MYH9: variants seen among roughly 807,000 people sequenced by gnomAD.
MYH9 encodes myosin heavy chain 9.
In MYH9, 29 loss-of-function variants were observed where a neutral mutation model predicts 241.9. That is an observed-to-expected ratio of 0.12 (90% CI 0.09 to 0.16). MYH9 has a LOEUF of 0.16. Among genes scored for constraint, MYH9 ranks in the 10% least tolerant of loss-of-function variants. The pLI, the probability that MYH9 is intolerant of heterozygous loss-of-function variation, is 1.00. For missense variants in MYH9, 1,803 were observed against 2,595.5 expected (o/e 0.69, Z 6.63); for synonymous variants, 1,047 against 1,062.6 (o/e 0.99, Z 0.29).
intron 31 of MYH9, among the ~76,000 whole-genome samples, chr22:36,291,353 G>C (rs2146334508): frequency 6.6e-6 from 1 of 152,304 alleles, no homozygotes; most frequent in Non-Finnish European, 1.5e-5. Flanking sequence ...CTTCTGCCTT[G>C]GGATCTTGTT....
rs1359996610 is a variant in MYH9, at chr22:36,348,959, T to C, written c.278A>G (p.Asn93Ser). The change falls in exon 2 of 41, where the codon AAC (asparagine) becomes AGC (serine). Residue 93 changes from asparagine to serine, a missense_variant. This residue lies in a region of MYH9 where 72 missense variants were observed against 134.3 expected (regional missense o/e 0.54). Transcript: ENST00000216181. ...VEDMAELTCL[N>S]EASVLHNLKE... ...GAGGTTGTGCAGCACCGAGGCTTCG[T>C]TGAGGCACGTGAGCTCTGCCATGTC... The C allele has an allele frequency of 3.7e-6, 6 of 1,614,166 alleles. No individual in the cohort carries two copies. Among genetic ancestry groups the C allele is most frequent in the Admixed American group, 3.3e-5 (2 of 60,030 alleles).
rs1043509125 is a variant in MYH9, at chr22:36,281,802, T to C, written c.*866A>G. 11 of 231,438 alleles carry C rather than the reference T, an allele frequency of 4.8e-5. No individual in the cohort carries two copies. Among genetic ancestry groups the C allele is most frequent in the African/African-American group, 2.2e-4 (10 of 45,334 alleles). The allele number at this position is 231,438 out of a possible 1,614,324, so 14.3% of individuals were successfully genotyped here. On this transcript the variant is annotated 3_prime_UTR_variant, in exon 41 of 41. Coordinates refer to ENST00000216181, the MANE Select transcript of MYH9 (RefSeq NM_002473.6). ...GTCCTAGAGTAGACACAAGATCGCC[T>C]GGGAGGGCCGCTGGCCCCTCTAACG...
At chr22:36,314,620 T>C (rs1001447385) in intron 12 of MYH9, among the ~76,000 whole-genome samples, 25 of 152,170 alleles carry the variant, frequency 1.6e-4, no homozygotes, top group African/African-American at 5.6e-4. Flanking sequence ...CATCAAAATA[T>C]TGTGATCGAG....
chr22:36,287,176 C>A (rs1393305793), intron 34 of MYH9, among the ~76,000 whole-genome samples: 1 of 152,212 alleles, frequency 6.6e-6, no homozygotes, highest in Non-Finnish European at 1.5e-5. Context: ...CAGTGCCCAG[C>A]CTGCCGGTCC....
At chr22:36,333,515 A>T (rs1306314809) in intron 3 of MYH9, among the ~76,000 whole-genome samples, 2 of 152,176 alleles carry the variant, frequency 1.3e-5, no homozygotes, top group African/African-American at 4.8e-5. Flanking sequence ...GCCAAAAGAA[A>T]ACCTGGGGTC....
chr22:36,337,997 C>CT (rs80110900), intron 3 of MYH9, among the ~76,000 whole-genome samples: 211 of 142,760 alleles, frequency 1.5e-3, no homozygotes, highest in Middle Eastern at 3.7e-3. Flanking sequence ...ACTTTCTTTT[C>CT]TTTTTTTTTT....
At chr22:36,301,511 A>G (rs1462137114) in intron 21 of MYH9, 23 bp downstream of exon 21, 2 of 1,612,126 alleles carry the variant, frequency 1.2e-6, no homozygotes, top group South Asian at 1.1e-5. Context: ...TGCGACCTGG[A>G]CTGAGCCTGC....
chr22:36,300,331 G>A lies in MYH9; in HGVS notation c.2839-67C>T. On this transcript the variant is annotated intron_variant, in intron 22 of 40. Transcript: ENST00000216181. This position sits in a 1 kb window ranked among gnomAD's most constrained non-coding sequence, Gnocchi z 5.0. Reference sequence around the variant, plus strand: ...GGCATGGCCAAGGTGAAGGCAGCAAGGTCCGAAGGCCAGATCCAAACGCCA... The same window carrying A: ...GGCATGGCCAAGGTGAAGGCAGCAAAGTCCGAAGGCCAGATCCAAACGCCA... 6.2e-7 allele frequency: 1 copy of A among 1,600,774 alleles called. No individual in the cohort carries two copies. The highest frequency in any genetic ancestry group is 8.5e-7 in the Non-Finnish European group (1 of 1,176,788).
In MYH9 at chr22:36,374,672, C is replaced by G. The variant is rs182878363; in HGVS notation, c.-20+13135G>C. ...CAGGCCGCGTTCCCAGCATCCACCC[C>G]CAAGGTGAGTGACCTGGGAGTGGAA... is the stretch of plus-strand genomic sequence containing the variant. On this transcript the variant is annotated intron_variant, in intron 1 of 40. Coordinates refer to ENST00000216181, the MANE Select transcript of MYH9 (RefSeq NM_002473.6). Among the ~76,000 whole-genome samples, 844 of 152,354 alleles carry G rather than the reference C, an allele frequency of 5.5e-3. 8 individuals are homozygous for G. The highest frequency in any genetic ancestry group is 4.7e-3 in the Non-Finnish European group (322 of 68,032).
intron 14 of MYH9, among the ~76,000 whole-genome samples, chr22:36,310,064 A>G (rs957209602): frequency 3.3e-5 from 5 of 152,218 alleles, no homozygotes; most frequent in East Asian, 1.9e-4. Context: ...AGCCTGGCCA[A>G]CATGGCAAAA....
chr22:36,325,005 C>A lies in MYH9; in HGVS notation c.612+1563G>T, dbSNP rs141769596. 9.8e-4 allele frequency: 708 copies of A among 725,712 alleles called. 6 individuals carry two copies. The highest frequency in any genetic ancestry group is 9.7e-3 in the African/African-American group (560 of 57,724). The allele number at this position is 725,712 out of a possible 1,614,324, so 45.0% of individuals were successfully genotyped here. A position where few individuals can be genotyped will look rare whatever the true frequency, so the allele number is the denominator to read the frequency against. On this transcript the variant is annotated intron_variant, in intron 5 of 40. Transcript: ENST00000216181. ...ACTCCAATGTCACCCTCCCAAGAACCAGTCACATACTAGGCAGTCAATAAA... is the reference window on the plus strand; with the variant it reads ...ACTCCAATGTCACCCTCCCAAGAACAAGTCACATACTAGGCAGTCAATAAA...
Position 36,288,713 on chromosome 22 carries a change from G to C in MYH9, c.4770+14C>G, listed in dbSNP as rs760951512. 6 of 1,600,950 alleles carry C rather than the reference G, an allele frequency of 3.7e-6. No individual in the cohort carries two copies. Among genetic ancestry groups the C allele is most frequent in the Non-Finnish European group, 5.1e-6 (6 of 1,179,920 alleles). ...GCCTTGGGCACCCATGGGGTAGCAG[G>C]AGGCCATGCACACCTGTCTGACCAG... On this transcript the variant is annotated intron_variant, in intron 33 of 40. Transcript: ENST00000216181. This position sits in a 1 kb window ranked among gnomAD's most constrained non-coding sequence, Gnocchi z 4.8.
chr22:36,337,583 G>T (rs577976781), intron 3 of MYH9, among the ~76,000 whole-genome samples: 1 of 152,312 alleles, frequency 6.6e-6, no homozygotes, highest in South Asian at 2.1e-4. Context: ...TGCCCCGTTT[G>T]GCAGAATAAA....
At chr22:36,382,964 T>C (rs1026800214) in intron 1 of MYH9, among the ~76,000 whole-genome samples, 2 of 152,126 alleles carry the variant, frequency 1.3e-5, no homozygotes, top group Non-Finnish European at 2.9e-5. Context: ...TTCACACCTG[T>C]AACCCCAGCA....
intron 1 of MYH9, chr22:36,364,703 C>T (rs929986811): frequency 6.6e-6 from 1 of 152,194 alleles, no homozygotes; most frequent in African/African-American, 2.4e-5. Context: ...CTGCATTGAT[C>T]AAGCGGTCAT....
In MYH9 at chr22:36,320,951, T is replaced by A; in HGVS notation, c.770-55A>T. On this transcript the variant is annotated intron_variant, in intron 7 of 40. Coordinates refer to ENST00000216181, the MANE Select transcript of MYH9 (RefSeq NM_002473.6). The surrounding 1 kb of genome is among the most constrained non-coding windows in gnomAD (Gnocchi z 4.8). ...TGGGGAGAAGGCAAGCCCTCCACTT[T>A]CCTCATTTTTTTTTTTTTGGAGACA... is the stretch of plus-strand genomic sequence containing the variant. The A allele has an allele frequency of 6.7e-7, 1 of 1,490,810 alleles. No individual in the cohort carries two copies. The highest frequency in any genetic ancestry group is 2.3e-5 in the East Asian group (1 of 43,738). The allele number at this position is 1,490,810 out of a possible 1,614,324, so 92.3% of individuals were successfully genotyped here.
intron 1 of MYH9, among the ~76,000 whole-genome samples, chr22:36,387,385 T>G (rs1416471512): frequency 6.6e-6 from 1 of 152,128 alleles, no homozygotes; most frequent in Non-Finnish European, 1.5e-5. Flanking sequence ...TCCCAACCCG[T>G]GAGGCTGCGT....
chr22:36,320,616 G>A lies in MYH9; in HGVS notation c.868+182C>T, dbSNP rs1603483441. Among the ~76,000 whole-genome samples the A allele has an allele frequency of 6.6e-6, 1 of 152,178 alleles. No homozygotes were observed. The highest frequency in any genetic ancestry group is 2.4e-5 in the African/African-American group (1 of 41,424). Reference sequence around the variant, plus strand: ...TGCAACCCACCCTAGCTTTTCTCTGGCATGGTCAGAAACAGAAGACCAAGT... The same window carrying A: ...TGCAACCCACCCTAGCTTTTCTCTGACATGGTCAGAAACAGAAGACCAAGT... On this transcript the variant is annotated intron_variant, in intron 8 of 40. Coordinates refer to ENST00000216181, the MANE Select transcript of MYH9 (RefSeq NM_002473.6). This position sits in a 1 kb window ranked among gnomAD's most constrained non-coding sequence, Gnocchi z 4.8.
In MYH9 at chr22:36,286,731, A is replaced by G. The variant is rs2016589518; in HGVS notation, c.5048T>C (p.Ile1683Thr). 5.6e-6 allele frequency: 9 copies of G among 1,612,690 alleles called. No individual in the cohort carries two copies. The highest frequency in any genetic ancestry group is 6.8e-6 in the Non-Finnish European group (8 of 1,180,024). Residue 1683 changes from isoleucine (I) to threonine (T), a missense_variant, in exon 35 of 41, where the codon ATC becomes ACC. Transcript: ENST00000216181. ...KKLKSMEAEM[I>T]QLQEELAAAE... ...AGCCCCACCCACCTCCTGCAACTGG[A>G]TCATCTCGGCCTCCATGCTCTTCAG...
Sources: gnomAD v4.1 joint callset for allele counts (sites outside exome capture counted in the v4.1 genomes callset) on GRCh38, gnomAD v4.1.1 for gene constraint, gnomAD v4.1.1 regional missense constraint, Gnocchi (gnomAD v3.1) non-coding constraint, MANE v1.5 for transcripts, NCBI Gene and HGNC (gene_info 2026-07-23, HGNC 2026-07-21) for gene names.